ALDH1B1: variants seen among roughly 807,000 people sequenced by gnomAD.
ALDH1B1 encodes the protein aldehyde dehydrogenase 1 family member B1, also known as aldehyde dehydrogenase family 1 member B1, mitochondrial.
A neutral mutation model predicts 26.2 loss-of-function variants in ALDH1B1; 19 were observed. That is an observed-to-expected ratio of 0.72 (90% CI 0.51 to 1.06). The LOEUF (loss-of-function observed/expected upper bound fraction) is 1.06, where lower values mean the gene tolerates loss of function less well. Ranked by LOEUF, ALDH1B1 falls within the 50% of genes least tolerant of loss-of-function variation. The pLI, the probability that ALDH1B1 is intolerant of heterozygous loss-of-function variation, is 0.00. For missense variants in ALDH1B1, 671 were observed against 683.1 expected, an observed-to-expected ratio of 0.98 and a Z score of 0.20; for synonymous variants, 249 against 286.0, an observed-to-expected ratio of 0.87 and a Z score of 1.31.
rs1243400355 is a variant in ALDH1B1 at position 38,396,330 on chromosome 9, G to A, written c.582G>A (p.Trp194Ter). 6 of 1,614,192 alleles carry A rather than the reference G, an allele frequency of 3.7e-6. No homozygotes were observed. The highest frequency in any genetic ancestry group is 5.1e-6 in the Non-Finnish European group (6 of 1,180,034). The change falls in exon 2 of 2, where the codon TGG (tryptophan) becomes TGA (stop). Residue 194 changes from tryptophan (W) to a stop codon, truncating the protein, a stop_gained. Coordinates refer to ENST00000377698, the MANE Select transcript of ALDH1B1 (RefSeq NM_000692.5). LOFTEE classifies it high-confidence loss of function. ...PWNFPLVMQGWKLAPALATGN... is the reference protein window; with the variant it reads ...PWNFPLVMQG The stretch of plus-strand genomic sequence containing the variant: ...ACTTCCCCTTGGTCATGCAGGGTTG[G>A]AAACTTGCCCCGGCACTCGCCACAG...
chr9:38,396,791 TG>T lies in ALDH1B1; in HGVS notation c.1047del (p.Asn350ThrfsTer22), dbSNP rs759114778. On this transcript the variant is annotated frameshift_variant, in exon 2 of 2. Transcript: ENST00000377698. LOFTEE classifies it high-confidence loss of function. ...RTVEKAKQRKVGNPFELDTQQ... is the reference protein window; with the variant it reads ...RTVEKAKQRKXGNPFELDTQQ... Reference sequence around the variant, plus strand: ...GTGGAGAAAGCAAAGCAGAGGAAAGTGGGGAACCCCTTTGAGCTGGACACCC... The same window carrying T: ...GTGGAGAAAGCAAAGCAGAGGAAAGTGGGAACCCCTTTGAGCTGGACACCC... The T allele has an allele frequency of 1.2e-6, 2 of 1,614,142 alleles. No homozygotes were observed. The highest frequency in any genetic ancestry group is 1.7e-6 in the Non-Finnish European group (2 of 1,180,026).
Position 38,396,216 on chromosome 9 carries a change from G to A in ALDH1B1, c.468G>A (p.Trp156Ter). ...ACTTTGCTGGCTGGGCTGACAAGTG[G>A]CATGGCAAGACCATCCCCATGGATG... is the stretch of plus-strand genomic sequence containing the variant. The part of the protein sequence containing the change: ...YRYFAGWADK[W>*]HGKTIPMDGQ... The change falls in exon 2 of 2, where the codon TGG becomes TGA. Residue 156 changes from tryptophan (W) to a stop codon, truncating the protein, a stop_gained. Coordinates refer to ENST00000377698, the MANE Select transcript of ALDH1B1 (RefSeq NM_000692.5). LOFTEE classifies it high-confidence loss of function. 6.2e-7 allele frequency: 1 copy of A among 1,614,206 alleles called. No homozygotes were observed. Among genetic ancestry groups the A allele is most frequent in the Non-Finnish European group, 8.5e-7 (1 of 1,180,032 alleles).
At chr9:38,393,829 T>G (rs1198904814) in intron 1 of ALDH1B1, among the ~76,000 whole-genome samples, 1 of 151,938 alleles carries the variant, frequency 6.6e-6, no homozygotes, top group African/African-American at 2.4e-5. Context: ...CCCCCTTTTT[T>G]TTTTTCATTT....
rs1194803558 is a variant in ALDH1B1, at chr9:38,396,822, G to A, written c.1074G>A (p.Gln358=). 4.3e-6 allele frequency: 7 copies of A among 1,614,126 alleles called. No homozygotes were observed. The African/African-American group carries it at 8.0e-5, about 18-fold the overall frequency. ...VGNPFELDTQ[Q]GPQVDKEQFE... is the part of the protein sequence containing the mutation. Reference sequence around the variant, plus strand: ...ACCCCTTTGAGCTGGACACCCAGCAGGGGCCTCAGGTGGACAAGGAGCAGT... The same window carrying A: ...ACCCCTTTGAGCTGGACACCCAGCAAGGGCCTCAGGTGGACAAGGAGCAGT... Residue 358 remains glutamine, a synonymous_variant, in exon 2 of 2, where the codon CAG becomes CAA. Coordinates refer to ENST00000377698, the MANE Select transcript of ALDH1B1 (RefSeq NM_000692.5).
At position 38,397,019 on chromosome 9, in the gene ALDH1B1, TGTTCAA is replaced by T; in HGVS notation, c.1279_1284del (p.Phe427_Lys428del). 6.2e-7 allele frequency: 1 copy of T among 1,614,184 alleles called. No individual in the cohort carries two copies. The highest frequency in any genetic ancestry group is 8.5e-7 in the Non-Finnish European group (1 of 1,180,012). On this transcript the variant is annotated inframe_deletion, in exon 2 of 2. Coordinates refer to ENST00000377698, the MANE Select transcript of ALDH1B1 (RefSeq NM_000692.5). ...GAGATCTTTGGGCCTGTGCAGCCCC[TGTTCAA>T]GTTCAAGAAGATTGAGGAGGTGGTT... is the stretch of plus-strand genomic sequence containing the variant.
rs1202947583 is a variant in ALDH1B1 at position 38,397,969 on chromosome 9, TACTC to T, written c.*669_*672del. On this transcript the variant is annotated 3_prime_UTR_variant, in exon 2 of 2. Transcript: ENST00000377698. ...TGTTTCCATGGAATATTCCTTGGATTACTCAGCCATAAAAAGGAATGAAGTACTG... is the reference window on the plus strand; with the variant it reads ...TGTTTCCATGGAATATTCCTTGGATTAGCCATAAAAAGGAATGAAGTACTG... 1.8e-5 allele frequency: 3 copies of T among 167,176 alleles called. No individual in the cohort carries two copies. Among genetic ancestry groups the T allele is most frequent in the African/African-American group, 7.2e-5 (3 of 41,476 alleles). 10.4% of individuals were successfully genotyped at this position (167,176 alleles called of 1,614,324 possible). A position where few individuals can be genotyped will look rare whatever the true frequency, so the allele number is the denominator to read the frequency against.
At position 38,397,389 on chromosome 9, in the gene ALDH1B1, A is replaced by T; in HGVS notation, c.*87A>T. ...TTGCCAAGCTGTTTTAAAGCCAAGA[A>T]CACCCTTTCTTTGTTCCAAATTAAC... On this transcript the variant is annotated 3_prime_UTR_variant, in exon 2 of 2. Transcript: ENST00000377698. The T allele has an allele frequency of 2.8e-6, 4 of 1,449,236 alleles. No homozygotes were observed. Among genetic ancestry groups the T allele is most frequent in the Non-Finnish European group, 3.7e-6 (4 of 1,091,642 alleles). The allele number at this position is 1,449,236 out of a possible 1,614,324, so 89.8% of individuals were successfully genotyped here.
chr9:38,393,952 A>T (rs894804041), intron 1 of ALDH1B1, among the ~76,000 whole-genome samples: 2 of 151,864 alleles, frequency 1.3e-5, no homozygotes, highest in African/African-American at 4.8e-5. Context: ...CTAGCTCATT[A>T]CAGACACCCT....
At chr9:38,392,828 C>T (rs985860079) in intron 1 of ALDH1B1, 21 bp downstream of exon 1, 41 of 985,696 alleles carry the variant, frequency 4.2e-5, no homozygotes, top group Non-Finnish European at 4.7e-5. Context: ...CTGGTCTCCC[C>T]TCGGCTCCCT....
chr9:38,396,844 C>T lies in ALDH1B1; in HGVS notation c.1096C>T (p.Gln366Ter), dbSNP rs1320195726. The T allele has an allele frequency of 6.2e-7, 1 of 1,614,078 alleles. No homozygotes were observed. The highest frequency in any genetic ancestry group is 8.5e-7 in the Non-Finnish European group (1 of 1,180,048). ...GCAGGGGCCTCAGGTGGACAAGGAG[C>T]AGTTTGAACGAGTCCTAGGCTACAT... ...TQQGPQVDKE[Q>*]FERVLGYIQL... The change falls in exon 2 of 2, where the codon CAG becomes TAG. Residue 366 changes from glutamine to a stop codon, truncating the protein, a stop_gained. Transcript: ENST00000377698. LOFTEE classifies it high-confidence loss of function.
At position 38,396,657 on chromosome 9, in the gene ALDH1B1, C is replaced by T. The variant is rs147682603; in HGVS notation, c.909C>T (p.Ala303=). 16 of 1,614,032 alleles carry T rather than the reference C, an allele frequency of 9.9e-6. No homozygotes were observed. Among genetic ancestry groups the T allele is most frequent in the South Asian group, 2.2e-5 (2 of 91,086 alleles). Residue 303 remains alanine, a synonymous_variant, in exon 2 of 2, where the codon GCC becomes GCT. Transcript: ENST00000377698. The part of the protein sequence containing the change: ...IVLADADMEH[A]VEQCHEALFF... ...TGGCCGATGCTGACATGGAGCATGC[C>T]GTGGAGCAGTGCCACGAAGCCCTGT...
Position 38,398,305 on chromosome 9 carries a change from T to TC in ALDH1B1, c.*1004dup. The TC allele has an allele frequency of 1.9e-5, 3 of 156,902 alleles. No homozygotes were observed. 9.7% of individuals were successfully genotyped at this position (156,902 alleles called of 1,614,324 possible). ...ATTATGGTATATGAATTAATTTCTT[T>TC]CTTTTTTTCTTTTTTTTTTTTTTTT... On this transcript the variant is annotated 3_prime_UTR_variant, in exon 2 of 2. Coordinates refer to ENST00000377698, the MANE Select transcript of ALDH1B1 (RefSeq NM_000692.5).
Position 38,393,580 on chromosome 9 carries a change from A to G in ALDH1B1, c.-10+773A>G, listed in dbSNP as rs373527962. ...CTCTCCTGACTGCTTCACCCCTCCA[A>G]TCCTTACCCCATGGGTTGGTGACTC... is the stretch of plus-strand genomic sequence containing the variant. On this transcript the variant is annotated intron_variant, in intron 1 of 1. Transcript: ENST00000377698. Among the ~76,000 whole-genome samples, 5 of 151,950 alleles carry G rather than the reference A, an allele frequency of 3.3e-5. No individual in the cohort carries two copies. The East Asian group carries it at 5.8e-4, about 18-fold the overall frequency.
chr9:38,392,941 T>C (rs4646769), intron 1 of ALDH1B1, 134 bp downstream of exon 1: 819,783 of 978,134 alleles, frequency 0.84, 346,802 homozygotes, highest in Non-Finnish European at 0.86. Flanking sequence ...TAGGACTCTC[T>C]CCACGTCCCC....
chr9:38,397,696 A>T lies in ALDH1B1; in HGVS notation c.*394A>T. The T allele has an allele frequency of 5.4e-6, 1 of 184,764 alleles. No homozygotes were observed. The highest frequency in any genetic ancestry group is 2.4e-5 in the African/African-American group (1 of 42,106). The allele number at this position is 184,764 out of a possible 1,614,324, so 11.4% of individuals were successfully genotyped here. On this transcript the variant is annotated 3_prime_UTR_variant, in exon 2 of 2. Transcript: ENST00000377698. ...TCAGAACACAAGCTTGGAAAGTGTT[A>T]GGGGTTTTGAACTAGGTGGATACTA... is the stretch of plus-strand genomic sequence containing the variant.
At chr9:38,393,212 T>C (rs4242647) in intron 1 of ALDH1B1, among the ~76,000 whole-genome samples, 122,847 of 152,140 alleles carry the variant, frequency 0.81, 50,049 homozygotes, top group Admixed American at 0.88. Flanking sequence ...CTGTAAAAAA[T>C]TGCCTGTATT....
In ALDH1B1 at chr9:38,397,990, G is replaced by A. The variant is rs1243924442; in HGVS notation, c.*688G>A. ...GGATTACTCAGCCATAAAAAGGAATGAAGTACTGACACATGCTGTGACATC... is the reference window on the plus strand; with the variant it reads ...GGATTACTCAGCCATAAAAAGGAATAAAGTACTGACACATGCTGTGACATC... On this transcript the variant is annotated 3_prime_UTR_variant, in exon 2 of 2. Coordinates refer to ENST00000377698, the MANE Select transcript of ALDH1B1 (RefSeq NM_000692.5). 1.2e-5 allele frequency: 2 copies of A among 167,164 alleles called. No individual in the cohort carries two copies. The highest frequency in any genetic ancestry group is 2.9e-5 in the Non-Finnish European group (2 of 68,170). The allele number at this position is 167,164 out of a possible 1,614,324, so 10.4% of individuals were successfully genotyped here.
At chr9:38,393,055 G>A (rs1821219883) in intron 1 of ALDH1B1, among the ~76,000 whole-genome samples, 2 of 152,190 alleles carry the variant, frequency 1.3e-5, no homozygotes, top group South Asian at 2.1e-4. Context: ...TGCCCACTCG[G>A]CCCACTTCAA....
chr9:38,392,812 C>T lies in ALDH1B1; in HGVS notation c.-10+5C>T. On this transcript the variant is annotated splice_donor_5th_base_variant and intron_variant, in intron 1 of 1. Transcript: ENST00000377698. The stretch of plus-strand genomic sequence containing the variant: ...CGGAGCCCGAGCCTGCTGCAGGTAA[C>T]TAACGCTGGTCTCCCCTCGGCTCCC... 1 of 985,752 alleles carries T rather than the reference C, an allele frequency of 1.0e-6. No homozygotes were observed. Among genetic ancestry groups the T allele is most frequent in the Non-Finnish European group, 1.2e-6 (1 of 830,188 alleles). 61.1% of individuals were successfully genotyped at this position (985,752 alleles called of 1,614,324 possible). A position where few individuals can be genotyped will look rare whatever the true frequency, so the allele number is the denominator to read the frequency against.
Sources: gnomAD v4.1 joint callset for allele counts (sites outside exome capture counted in the v4.1 genomes callset) on GRCh38, gnomAD v4.1.1 for gene constraint, MANE v1.5 for transcripts, NCBI Gene and HGNC (gene_info 2026-07-23, HGNC 2026-07-21) for gene names.